The following ZNF704 variants were observed in gnomAD, a reference collection of about 807,000 sequenced individuals.
ZNF704 encodes the protein zinc finger protein 704, also known as glucocorticoid induced gene 1.
Under a neutral mutation model 44.7 loss-of-function variants are expected in ZNF704, and 10 were observed. The ratio of observed to expected loss-of-function variants is 0.22; its 90% CI spans 0.14 to 0.38. The LOEUF (loss-of-function observed/expected upper bound fraction) is 0.38, where lower values mean the gene tolerates loss of function less well. Ranked by LOEUF, ZNF704 falls within the 10% of genes least tolerant of loss-of-function variation. ZNF704 has a pLI of 1.00. For missense variants in ZNF704, 390 were observed against 545.5 expected, an observed-to-expected ratio of 0.71 and a Z score of 2.84; for synonymous variants, 211 against 207.6, an observed-to-expected ratio of 1.02 and a Z score of -0.14.
At chr8:80,757,683 T>C (rs1036617921) in intron 2 of ZNF704, among the ~76,000 whole-genome samples, 2 of 152,128 alleles carry the variant, frequency 1.3e-5, no homozygotes, top group Non-Finnish European at 2.9e-5. Context: ...TCATGGTAAA[T>C]GCCCTACACA....
At chr8:80,856,384 CTT>C in intron 1 of ZNF704, among the ~76,000 whole-genome samples, 1 of 152,070 alleles carries the variant, frequency 6.6e-6, no homozygotes. Flanking sequence ...AAAACTAAAA[CTT>C]AAAACTATTT....
chr8:80,745,179 T>G (rs1427427635), intron 2 of ZNF704, among the ~76,000 whole-genome samples: 2 of 152,220 alleles, frequency 1.3e-5, no homozygotes, highest in African/African-American at 4.8e-5. Context: ...ATATATTTGA[T>G]ATAAACATTT....
chr8:80,790,062 C>G (rs1807678451), intron 2 of ZNF704, among the ~76,000 whole-genome samples: 1 of 152,120 alleles, frequency 6.6e-6, no homozygotes. Flanking sequence ...CACTGGTTAT[C>G]AATACCACAG....
chr8:80,670,678 T>G, intron 4 of ZNF704, 75 bp from the exon 5 acceptor site: 1 of 1,087,318 alleles, frequency 9.2e-7, no homozygotes, highest in Non-Finnish European at 1.4e-6. Context: ...TCCCAACATA[T>G]TTTTTTCCTT....
intron 4 of ZNF704, among the ~76,000 whole-genome samples, chr8:80,683,297 C>A (rs1032500786): frequency 6.6e-6 from 1 of 152,124 alleles, no homozygotes; most frequent in African/African-American, 2.4e-5. Context: ...GATAGAGAAG[C>A]CTTTCATTTC....
chr8:80,851,664 T>C (rs1352152805), intron 1 of ZNF704, among the ~76,000 whole-genome samples: 1 of 152,048 alleles, frequency 6.6e-6, no homozygotes, highest in Non-Finnish European at 1.5e-5. Flanking sequence ...ACATGGCACA[T>C]GTATACATAT....
intron 5 of ZNF704, among the ~76,000 whole-genome samples, chr8:80,667,782 C>A (rs1818218628): frequency 6.6e-6 from 1 of 152,152 alleles, no homozygotes; most frequent in African/African-American, 2.4e-5. Context: ...GGTTCAAACC[C>A]TGACTCCTAC....
chr8:80,672,127 C>T (rs1277605439), intron 4 of ZNF704, among the ~76,000 whole-genome samples: 2 of 152,066 alleles, frequency 1.3e-5, no homozygotes. Context: ...AGACATTTCT[C>T]AAAGAAGACA....
intron 7 of ZNF704, among the ~76,000 whole-genome samples, chr8:80,651,050 C>A (rs1370478690): frequency 2.0e-5 from 3 of 152,184 alleles, no homozygotes; most frequent in African/African-American, 4.8e-5. Flanking sequence ...CCCAGAAGTT[C>A]ATATTCAGCC....
At chr8:80,844,313 G>C (rs1445380291) in intron 1 of ZNF704, among the ~76,000 whole-genome samples, 1 of 152,158 alleles carries the variant, frequency 6.6e-6, no homozygotes, top group Middle Eastern at 3.2e-3. Flanking sequence ...AGCAGATTGG[G>C]TGTCTGGTAA....
At chr8:80,751,328 G>T (rs57649094) in intron 2 of ZNF704, among the ~76,000 whole-genome samples, 6,213 of 152,232 alleles carry the variant, frequency 0.041, 443 homozygotes, top group African/African-American at 0.14. Context: ...GAGAGGAAGA[G>T]AAATAGACTG....
chr8:80,661,943 T>G (rs1818108711), intron 6 of ZNF704, among the ~76,000 whole-genome samples: 1 of 152,104 alleles, frequency 6.6e-6, no homozygotes, highest in African/African-American at 2.4e-5. Context: ...AAGAGAGGAC[T>G]GGAAATGTTC....
chr8:80,643,134 T>C lies in ZNF704; in HGVS notation c.1033-5A>G, dbSNP rs539599248. On this transcript the variant is annotated splice_polypyrimidine_tract_variant and splice_region_variant and intron_variant, in intron 7 of 8. Transcript: ENST00000327835. ...CGGATGATGTGTGGGTGACACCTGGTGAATACATGGAAAAGAAAGTTGATG... is the reference window on the plus strand; with the variant it reads ...CGGATGATGTGTGGGTGACACCTGGCGAATACATGGAAAAGAAAGTTGATG... 66 of 1,597,388 alleles carry C rather than the reference T, an allele frequency of 4.1e-5. 1 individual carries two copies. The South Asian group carries it at 6.9e-4, about 17-fold the overall frequency.
chr8:80,796,989 G>A (rs796598470), intron 2 of ZNF704, among the ~76,000 whole-genome samples: 40 of 122,118 alleles, frequency 3.3e-4, no homozygotes, highest in African/African-American at 9.7e-4. Flanking sequence ...GGGAGGGAGG[G>A]AGGAAGGAAG....
chr8:80,764,606 G>A (rs1250075874), intron 2 of ZNF704, among the ~76,000 whole-genome samples: 2 of 152,166 alleles, frequency 1.3e-5, no homozygotes, highest in African/African-American at 4.8e-5. Context: ...CTTCTTCCAT[G>A]ATCTTCAAAA....
At chr8:80,808,897 T>G (rs954972542) in intron 2 of ZNF704, among the ~76,000 whole-genome samples, 2 of 152,244 alleles carry the variant, frequency 1.3e-5, no homozygotes, top group Non-Finnish European at 2.9e-5. Context: ...TTGATGAATT[T>G]GGTAAAGTCT....
intron 2 of ZNF704, among the ~76,000 whole-genome samples, chr8:80,802,706 A>G (rs61107089): frequency 0.032 from 4,828 of 152,258 alleles, 259 homozygotes; most frequent in African/African-American, 0.11. Context: ...AATACGAGCC[A>G]TATATGACAA....
chr8:80,823,291 A>G (rs1164829642), intron 1 of ZNF704, among the ~76,000 whole-genome samples: 1 of 152,206 alleles, frequency 6.6e-6, no homozygotes, highest in East Asian at 1.9e-4. Flanking sequence ...CCTGGCTCGG[A>G]GGGTCCCACA....
chr8:80,843,990 TAC>T (rs3065398), intron 1 of ZNF704, among the ~76,000 whole-genome samples: 1 of 145,408 alleles, frequency 6.9e-6, no homozygotes, highest in Non-Finnish European at 1.5e-5. Flanking sequence ...TATATATATA[TAC>T]ACATACACAC....
Sources: allele counts gnomAD v4.1 joint callset (sites outside exome capture counted in the v4.1 genomes callset), GRCh38; gene constraint gnomAD v4.1.1; transcripts MANE v1.5; gene names NCBI Gene and HGNC (gene_info 2026-07-23, HGNC 2026-07-21).